The following BCAT1 variants were observed in gnomAD, a reference collection of about 807,000 sequenced individuals.
BCAT1 encodes the protein branched-chain-amino-acid aminotransferase, cytosolic.
BCAT1 carries 48 observed loss-of-function variants against 52.4 expected under a neutral mutation model. That is an observed-to-expected ratio of 0.92 (90% CI 0.73 to 1.16). BCAT1 has a LOEUF of 1.16. BCAT1 is among the 50% of genes most tolerant of loss of function. The pLI, the probability that BCAT1 is intolerant of heterozygous loss-of-function variation, is 0.00. For synonymous variants in BCAT1, 167 were observed against 161.3 expected (o/e 1.04, Z -0.27); for missense variants, 451 against 457.1 (o/e 0.99, Z 0.12).
In BCAT1 at chr12:24,832,808, A is replaced by G; in HGVS notation, c.959T>C (p.Leu320Pro). The G allele has an allele frequency of 1.2e-6, 2 of 1,612,394 alleles. No individual in the cohort carries two copies. The highest frequency in any genetic ancestry group is 8.5e-7 in the Non-Finnish European group (1 of 1,179,154). The change falls in exon 9 of 11, where the codon CTG becomes CCG. Residue 320 changes from leucine to proline, a missense_variant. By Grantham distance (98) the Leu-to-Pro change is moderately conservative. Transcript: ENST00000261192. The stretch of plus-strand genomic sequence containing the variant: ...CATCTCTCTCACTCTGTTCCCCTCC[A>G]GGGCTGTTGTCAAGTCATCCATGGT... ...YLTMDDLTTA[L>P]EGNRVREMFG...
chr12:24,872,617 G>A (rs1404777389), intron 5 of BCAT1, among the ~76,000 whole-genome samples: 7 of 152,164 alleles, frequency 4.6e-5, no homozygotes, highest in Non-Finnish European at 8.8e-5. Context: ...CTGAAAAAGA[G>A]GAATTAATTA....
At chr12:24,826,195 G>A (rs1031749499) in intron 10 of BCAT1, among the ~76,000 whole-genome samples, 2 of 152,158 alleles carry the variant, frequency 1.3e-5, no homozygotes, top group Non-Finnish European at 2.9e-5. Flanking sequence ...CTGAGTGACA[G>A]AATGAGATCT....
chr12:24,877,088 C>T (rs1213123953), intron 5 of BCAT1, among the ~76,000 whole-genome samples: 1 of 152,202 alleles, frequency 6.6e-6, no homozygotes, highest in Non-Finnish European at 1.5e-5. Flanking sequence ...TAGATCCTTA[C>T]ACGGCTTTCG....
intron 1 of BCAT1, among the ~76,000 whole-genome samples, chr12:24,931,644 C>A (rs778942602): frequency 6.6e-6 from 1 of 152,164 alleles, no homozygotes; most frequent in African/African-American, 2.4e-5. Context: ...CCTTAAAATT[C>A]TGACGAAAAA....
intron 1 of BCAT1, among the ~76,000 whole-genome samples, chr12:24,941,637 T>C (rs922764236): frequency 2.6e-5 from 4 of 151,764 alleles, no homozygotes; most frequent in Non-Finnish European, 2.9e-5. Flanking sequence ...TGCAGAGGAG[T>C]TGCAGCATAT....
chr12:24,874,037 G>A (rs112429850), intron 5 of BCAT1, among the ~76,000 whole-genome samples: 88 of 152,220 alleles, frequency 5.8e-4, no homozygotes, highest in African/African-American at 2.1e-3. Context: ...GAAGGAGGCC[G>A]GGCATGGTGG....
chr12:24,861,878 T>C (rs1273264374), intron 5 of BCAT1, among the ~76,000 whole-genome samples: 4 of 152,200 alleles, frequency 2.6e-5, no homozygotes, highest in East Asian at 1.9e-4. Flanking sequence ...AAAACTAAGA[T>C]GGTGAGGAAA....
chr12:24,946,038 A>T (rs539731368), intron 1 of BCAT1, among the ~76,000 whole-genome samples: 1 of 152,300 alleles, frequency 6.6e-6, no homozygotes, highest in East Asian at 1.9e-4. Flanking sequence ...AAATAAAGAA[A>T]GTTCTTTATT....
intron 5 of BCAT1, among the ~76,000 whole-genome samples, chr12:24,858,885 A>G (rs1941768825): frequency 6.6e-6 from 1 of 152,240 alleles, no homozygotes; most frequent in African/African-American, 2.4e-5. Flanking sequence ...TAAAGGTTTG[A>G]GTAAGTTGTG....
At chr12:24,902,052 G>A (rs550307893) in intron 1 of BCAT1, 167 bp from the exon 2 acceptor site, 1 of 1,539,196 alleles carries the variant, frequency 6.5e-7, no homozygotes, top group South Asian at 1.2e-5. Flanking sequence ...CCTCCAACAA[G>A]CGTGTCTTGG....
chr12:24,901,032 C>T (rs924726349), intron 2 of BCAT1, among the ~76,000 whole-genome samples: 1 of 152,312 alleles, frequency 6.6e-6, no homozygotes, highest in African/African-American at 2.4e-5. Flanking sequence ...ATAAAAATTC[C>T]TTGCAAGTAG....
At chr12:24,917,953 T>C (rs1943443943) in intron 1 of BCAT1, among the ~76,000 whole-genome samples, 10 of 152,190 alleles carry the variant, frequency 6.6e-5, no homozygotes, top group Admixed American at 6.5e-4. Context: ...TCTCTTACTC[T>C]TCAATTAAGT....
rs1379667528 is a variant in BCAT1, at chr12:24,901,823, C to T, written c.69G>A (p.Gly23=). 6 of 1,613,794 alleles carry T rather than the reference C, an allele frequency of 3.7e-6. No individual in the cohort carries two copies. The highest frequency in any genetic ancestry group is 1.3e-5 in the African/African-American group (1 of 74,930). ...TGEGGSKEVV[G]TFKAKDLIVT... is the part of the protein sequence containing the mutation. ...CTGGCAAGCAACTTACCTTAAAAGT[C>T]CCCACCACCTCTTTTGATCCTCCTT... The change falls in exon 2 of 11, where the codon GGG becomes GGA. Residue 23 remains glycine, a synonymous_variant. Transcript: ENST00000261192.
At chr12:24,830,439 A>G (rs1362109493) in intron 9 of BCAT1, 1 of 152,174 alleles carries the variant, frequency 6.6e-6, no homozygotes, top group Non-Finnish European at 1.5e-5. Context: ...CTACCTCCAC[A>G]ATATTGGATA....
intron 1 of BCAT1, among the ~76,000 whole-genome samples, chr12:24,924,793 A>T (rs577780786): frequency 6.6e-6 from 1 of 152,364 alleles, no homozygotes; most frequent in Admixed American, 6.5e-5. Flanking sequence ...ATATGACATG[A>T]TCTCTCTGAA....
At chr12:24,928,427 C>T (rs539575075) in intron 1 of BCAT1, among the ~76,000 whole-genome samples, 2 of 152,018 alleles carry the variant, frequency 1.3e-5, no homozygotes, top group African/African-American at 4.8e-5. Flanking sequence ...TTGTTTGAGT[C>T]CAGGAGTTTG....
intron 2 of BCAT1, among the ~76,000 whole-genome samples, chr12:24,896,073 C>T (rs1389578752): frequency 3.9e-5 from 6 of 152,072 alleles, no homozygotes; most frequent in East Asian, 1.9e-4. Flanking sequence ...AGGCTGGTCT[C>T]GAACTCCTGG....
intron 8 of BCAT1, chr12:24,834,182 A>G: frequency 1.0e-6 from 1 of 979,158 alleles, no homozygotes; most frequent in Non-Finnish European, 1.2e-6. Flanking sequence ...TGAAATACTC[A>G]TTATTTTTAA....
At chr12:24,851,719 A>C (rs1297156927) in intron 5 of BCAT1, among the ~76,000 whole-genome samples, 1 of 152,232 alleles carries the variant, frequency 6.6e-6, no homozygotes, top group Non-Finnish European at 1.5e-5. Context: ...CCAGTAAAGG[A>C]TAAAGCGCCT....
Sources: gnomAD v4.1 joint callset for allele counts (sites outside exome capture counted in the v4.1 genomes callset) on GRCh38, gnomAD v4.1.1 for gene constraint, MANE v1.5 for transcripts, NCBI Gene and HGNC (gene_info 2026-07-23, HGNC 2026-07-21) for gene names.